Variants in ATP2B2 observed in about 807,000 individuals in gnomAD.
ATP2B2 encodes the protein ATPase plasma membrane Ca2+ transporting 2, also known as plasma membrane calcium-transporting ATPase 2.
A neutral mutation model predicts 120.0 loss-of-function variants in ATP2B2; 15 were observed. The observed-to-expected ratio is 0.12, with a 90% CI of 0.08 to 0.19. The LOEUF (loss-of-function observed/expected upper bound fraction) is 0.19. ATP2B2 is among the 10% of genes least tolerant of loss of function. The pLI, the probability that ATP2B2 is intolerant of heterozygous loss-of-function variation, is 1.00. For missense variants in ATP2B2, 1,045 were observed against 1,719.8 expected (o/e 0.61, Z 6.94); for synonymous variants, 694 against 700.3 (o/e 0.99, Z 0.14).
intron 1 of ATP2B2, among the ~76,000 whole-genome samples, chr3:10,655,817 C>T (rs561655765): frequency 5.3e-5 from 8 of 152,294 alleles, no homozygotes; most frequent in Non-Finnish European, 1.2e-4. Flanking sequence ...CAAGAGAAAA[C>T]CTCCCTCATA....
intron 2 of ATP2B2, among the ~76,000 whole-genome samples, chr3:10,546,524 C>T (rs2067551254): frequency 6.6e-6 from 1 of 152,230 alleles, no homozygotes; most frequent in Non-Finnish European, 1.5e-5. Context: ...CCCGCTGGGG[C>T]CACTCAGCCC....
chr3:10,686,409 C>A (rs2071525397), intron 1 of ATP2B2, among the ~76,000 whole-genome samples: 1 of 152,116 alleles, frequency 6.6e-6, no homozygotes, highest in African/African-American at 2.4e-5. Flanking sequence ...AATCCCAGCA[C>A]TTTGGGAGGC....
At chr3:10,596,415 G>A (rs969013164) in intron 2 of ATP2B2, among the ~76,000 whole-genome samples, 1 of 152,206 alleles carries the variant, frequency 6.6e-6, no homozygotes, top group Non-Finnish European at 1.5e-5. Context: ...AATGAACTTC[G>A]TAACCGGTCT....
At chr3:10,568,855 T>C (rs1231082210) in intron 2 of ATP2B2, among the ~76,000 whole-genome samples, 1 of 152,168 alleles carries the variant, frequency 6.6e-6, no homozygotes, top group Non-Finnish European at 1.5e-5. Flanking sequence ...TCTTCCATTT[T>C]CCCTGCCTGG....
At chr3:10,544,577 C>T (rs928699436) in intron 2 of ATP2B2, among the ~76,000 whole-genome samples, 1 of 152,182 alleles carries the variant, frequency 6.6e-6, no homozygotes, top group African/African-American at 2.4e-5. Flanking sequence ...GTAGACACTC[C>T]ACACTTTGGG....
At chr3:10,360,895 T>C (rs9858581) in intron 12 of ATP2B2, among the ~76,000 whole-genome samples, 2,806 of 152,328 alleles carry the variant, frequency 0.018, 71 homozygotes, top group African/African-American at 0.064. Context: ...CTACCCTTTT[T>C]TTAAAGCTAT....
intron 2 of ATP2B2, among the ~76,000 whole-genome samples, chr3:10,546,656 T>C (rs1375535878): frequency 2.0e-5 from 3 of 152,190 alleles, no homozygotes; most frequent in Non-Finnish European, 4.4e-5. Context: ...CTCAGAGCTA[T>C]AAATTAGCCC....
intron 2 of ATP2B2, among the ~76,000 whole-genome samples, chr3:10,413,581 C>T (rs1260120979): frequency 6.6e-6 from 1 of 152,220 alleles, no homozygotes; most frequent in East Asian, 1.9e-4. Context: ...CGTGGGAACA[C>T]TTCCTCCACT....
At chr3:10,332,068 C>G in intron 22 of ATP2B2, 1 of 1,544,566 alleles carries the variant, frequency 6.5e-7, no homozygotes, top group Non-Finnish European at 8.8e-7. Context: ...AATATTCAGA[C>G]AGTGGAGAGG....
chr3:10,474,857 A>G (rs1452488825), intron 1 of ATP2B2, among the ~76,000 whole-genome samples: 3 of 152,136 alleles, frequency 2.0e-5, no homozygotes, highest in Middle Eastern at 3.2e-3. Flanking sequence ...GACACACTAC[A>G]CTATCACTGT....
intron 2 of ATP2B2, among the ~76,000 whole-genome samples, chr3:10,597,137 A>G (rs1266224711): frequency 6.6e-6 from 1 of 151,306 alleles, no homozygotes; most frequent in Non-Finnish European, 1.5e-5. Flanking sequence ...ACAGGCAAAC[A>G]GGTACACACA....
chr3:10,668,906 C>G (rs111623116), intron 1 of ATP2B2, among the ~76,000 whole-genome samples: 1,959 of 152,308 alleles, frequency 0.013, 47 homozygotes, highest in African/African-American at 0.044. Flanking sequence ...CATGCACAAT[C>G]GTGACTGCTC....
Position 10,405,039 on chromosome 3 carries a change from C to T in ATP2B2, c.398-2691G>A, listed in dbSNP as rs368565976. On this transcript the variant is annotated intron_variant, in intron 3 of 22. Coordinates refer to ENST00000360273, the MANE Select transcript of ATP2B2 (RefSeq NM_001001331.4). ...ATGACAAGCTTTCGGGTTCTGGAAT[C>T]GGAAAGACCTAGTTCAAGTCCAACC... Among the ~76,000 whole-genome samples the T allele has an allele frequency of 7.9e-5, 12 of 152,280 alleles. No homozygotes were observed. In the East Asian group the frequency reaches 1.7e-3, roughly 22 times the overall value.
In ATP2B2 at chr3:10,539,971, C is replaced by T. The variant is rs575934147; in HGVS notation, c.-414-5838G>A. Among the ~76,000 whole-genome samples, 16 of 151,968 alleles carry T rather than the reference C, an allele frequency of 1.1e-4. No individual in the cohort carries two copies. In the South Asian group the frequency reaches 1.9e-3, roughly 18 times the overall value. ...AGAAAATTTTTGCAATCTACCCATC[C>T]GAAAAAGGGCTAATATCCAGAATCT... is the stretch of plus-strand genomic sequence containing the variant. On this transcript the variant is annotated intron_variant, in intron 2 of 21. Transcript: ENST00000646379.
intron 1 of ATP2B2, among the ~76,000 whole-genome samples, chr3:10,642,686 T>TAA (rs141395527): frequency 0.016 from 2,025 of 125,322 alleles, 35 homozygotes; most frequent in African/African-American, 0.065. Flanking sequence ...GAGATTTAGC[T>TAA]AAAAAAAAAA....
intron 1 of ATP2B2, among the ~76,000 whole-genome samples, chr3:10,677,737 T>C (rs2071279785): frequency 6.6e-6 from 1 of 152,194 alleles, no homozygotes; most frequent in Non-Finnish European, 1.5e-5. Context: ...ATTTTGTAGA[T>C]GAATATTTGT....
chr3:10,546,630 C>T (rs554768620), intron 2 of ATP2B2, among the ~76,000 whole-genome samples: 100 of 152,334 alleles, frequency 6.6e-4, no homozygotes, highest in Middle Eastern at 3.4e-3. Context: ...TCCCTACCTT[C>T]CTATGGCCTC....
At chr3:10,659,842 GAAGTA>G (rs2070734451) in intron 1 of ATP2B2, among the ~76,000 whole-genome samples, 1 of 151,940 alleles carries the variant, frequency 6.6e-6, no homozygotes, top group Non-Finnish European at 1.5e-5. Context: ...CACATAGTTG[GAAGTA>G]AAGCACTCCT....
chr3:10,683,696 GTATATGTA>G (rs2071435449), intron 1 of ATP2B2, among the ~76,000 whole-genome samples: 1 of 134,474 alleles, frequency 7.4e-6, no homozygotes, highest in Non-Finnish European at 1.6e-5. Context: ...ATACACATAT[GTATATGTA>G]TATATGTATA....
Sources: gnomAD v4.1 joint callset for allele counts (sites outside exome capture counted in the v4.1 genomes callset) on GRCh38, gnomAD v4.1.1 for gene constraint, MANE v1.5 for transcripts, NCBI Gene and HGNC (gene_info 2026-07-23, HGNC 2026-07-21) for gene names.